Variants in STAG1 observed in about 807,000 individuals in gnomAD.
STAG1 encodes STAG1 cohesin complex component.
STAG1 carries 26 observed loss-of-function variants against 170.9 expected under a neutral mutation model. That is an observed-to-expected ratio of 0.15 (90% CI 0.11 to 0.21). The LOEUF is 0.21. Ranked by LOEUF, STAG1 falls within the 10% of genes least tolerant of loss-of-function variation. The pLI, the probability that STAG1 is intolerant of heterozygous loss-of-function variation, is 1.00. For missense variants in STAG1, 964 were observed against 1,509.5 expected, an observed-to-expected ratio of 0.64 and a Z score of 5.99; for synonymous variants, 514 against 497.7, an observed-to-expected ratio of 1.03 and a Z score of -0.44.
intron 1 of STAG1, among the ~76,000 whole-genome samples, chr3:136,694,340 G>A (rs1256110065): frequency 6.6e-6 from 1 of 152,102 alleles, no homozygotes; most frequent in Non-Finnish European, 1.5e-5. Flanking sequence ...AAGTGGCTGG[G>A]TGCAATAACT....
At chr3:136,553,497 C>T (rs1169088007) in intron 5 of STAG1, among the ~76,000 whole-genome samples, 2 of 152,140 alleles carry the variant, frequency 1.3e-5, no homozygotes, top group African/African-American at 4.8e-5. Context: ...AATTTTGGGC[C>T]GGGTGTGGTG....
At chr3:136,605,311 C>T (rs1312035679) in intron 3 of STAG1, among the ~76,000 whole-genome samples, 1 of 152,110 alleles carries the variant, frequency 6.6e-6, no homozygotes, top group African/African-American at 2.4e-5. Flanking sequence ...TTAATACTTG[C>T]TATAATCTTA....
At chr3:136,567,903 T>A (rs1408696509) in intron 5 of STAG1, among the ~76,000 whole-genome samples, 1 of 152,166 alleles carries the variant, frequency 6.6e-6, no homozygotes, top group Non-Finnish European at 1.5e-5. Flanking sequence ...TATTAATGTA[T>A]TTCCCCTCTT....
At chr3:136,598,786 C>T (rs1938545553) in intron 4 of STAG1, among the ~76,000 whole-genome samples, 1 of 151,994 alleles carries the variant, frequency 6.6e-6, no homozygotes, top group South Asian at 2.1e-4. Context: ...ATGCAATTTA[C>T]CAGGAGAATT....
intron 3 of STAG1, among the ~76,000 whole-genome samples, chr3:136,614,003 T>C (rs1368976884): frequency 2.0e-5 from 3 of 151,868 alleles, no homozygotes; most frequent in East Asian, 1.9e-4. Context: ...TTAGCTGAGG[T>C]CAGGAGTTTG....
rs543851571 is a variant in STAG1, at chr3:136,668,944, A to G, written c.-83-37963T>C. Among the ~76,000 whole-genome samples the G allele has an allele frequency of 2.0e-5, 3 of 152,326 alleles. No individual in the cohort carries two copies. In the East Asian group the frequency reaches 5.8e-4, roughly 29 times the overall value. On this transcript the variant is annotated intron_variant, in intron 1 of 33. Coordinates refer to ENST00000383202, the MANE Select transcript of STAG1 (RefSeq NM_005862.3). ...AATATTAGAGGTCAGTAATTTTCCAACTATGCTTGCTTTCTACATGATGCC... is the reference window on the plus strand; with the variant it reads ...AATATTAGAGGTCAGTAATTTTCCAGCTATGCTTGCTTTCTACATGATGCC...
intron 1 of STAG1, among the ~76,000 whole-genome samples, chr3:136,729,028 C>T (rs998284604): frequency 1.3e-5 from 2 of 152,052 alleles, no homozygotes; most frequent in Non-Finnish European, 2.9e-5. Context: ...ATTGCCCAGG[C>T]GAGAGTGAAA....
intron 1 of STAG1, among the ~76,000 whole-genome samples, chr3:136,746,398 C>T (rs548188362): frequency 1.4e-3 from 214 of 151,848 alleles, no homozygotes; most frequent in Non-Finnish European, 2.2e-3. Flanking sequence ...TCTCTTGGGT[C>T]ACCTGTAAAA....
intron 22 of STAG1, among the ~76,000 whole-genome samples, chr3:136,383,399 T>C (rs897153987): frequency 6.6e-6 from 1 of 152,210 alleles, no homozygotes; most frequent in African/African-American, 2.4e-5. Context: ...CACTGACTGC[T>C]TTTTAATTTG....
At chr3:136,507,190 C>A (rs1030192886) in intron 7 of STAG1, among the ~76,000 whole-genome samples, 2 of 152,206 alleles carry the variant, frequency 1.3e-5, no homozygotes, top group Non-Finnish European at 2.9e-5. Flanking sequence ...CTCCATAGTC[C>A]CAGCTCTTAA....
chr3:136,364,630 A>T (rs941437327), intron 25 of STAG1, among the ~76,000 whole-genome samples: 1 of 152,170 alleles, frequency 6.6e-6, no homozygotes, highest in African/African-American at 2.4e-5. Flanking sequence ...ATCGAAATAT[A>T]AAAAAGTAAA....
intron 5 of STAG1, among the ~76,000 whole-genome samples, chr3:136,550,328 G>A (rs910064882): frequency 9.5e-5 from 14 of 148,088 alleles, no homozygotes; most frequent in African/African-American, 3.5e-4. Flanking sequence ...TTTTTTTTGA[G>A]ACAGAGTCTC....
chr3:136,632,079 G>A (rs1559920226), intron 1 of STAG1, among the ~76,000 whole-genome samples: 1 of 152,026 alleles, frequency 6.6e-6, no homozygotes, highest in Non-Finnish European at 1.5e-5. Context: ...AACTATGTAA[G>A]TTCAAAGACA....
intron 7 of STAG1, among the ~76,000 whole-genome samples, chr3:136,507,606 G>A (rs996900302): frequency 1.3e-5 from 2 of 152,074 alleles, no homozygotes; most frequent in African/African-American, 4.8e-5. Context: ...GGCCTCAAGT[G>A]ATTCTCCCAC....
At chr3:136,513,375 T>A (rs1186472210) in intron 7 of STAG1, among the ~76,000 whole-genome samples, 1 of 150,442 alleles carries the variant, frequency 6.6e-6, no homozygotes. Context: ...AAGGAAGACT[T>A]GGAAAATAAG....
intron 21 of STAG1, among the ~76,000 whole-genome samples, chr3:136,399,716 G>C (rs2087263477): frequency 6.6e-6 from 1 of 151,954 alleles, no homozygotes; most frequent in Admixed American, 6.6e-5. Flanking sequence ...CATTTTTCTA[G>C]GGCAGAGGTT....
In STAG1 at chr3:136,439,389, G is replaced by GACACACACAC. The variant is rs753912835; in HGVS notation, c.1546+3888_1546+3897dup. 7.5e-3 allele frequency among the ~76,000 whole-genome samples: 720 copies of GACACACACAC among 95,848 alleles called. 11 individuals carry two copies. Among genetic ancestry groups the GACACACACAC allele is most frequent in the Non-Finnish European group, 8.1e-3 (406 of 49,928 alleles). The allele number at this position is 95,848 out of a possible 152,430, so 62.9% of individuals were successfully genotyped here. ...TTGATTTTGCTGTAAAACACCCCCCGACACACACACACACACACACACACA... is the reference window on the plus strand; with the variant it reads ...TTGATTTTGCTGTAAAACACCCCCCGACACACACACACACACACACACACACACACACACA... On this transcript the variant is annotated intron_variant, in intron 15 of 33. Coordinates refer to ENST00000383202, the MANE Select transcript of STAG1 (RefSeq NM_005862.3).
At chr3:136,495,795 C>T (rs1933049830) in intron 9 of STAG1, among the ~76,000 whole-genome samples, 2 of 151,738 alleles carry the variant, frequency 1.3e-5, no homozygotes. Context: ...GGTGAAACCC[C>T]ATCTCTACTA....
chr3:136,383,268 G>A (rs1324793066), intron 22 of STAG1, among the ~76,000 whole-genome samples: 1 of 151,980 alleles, frequency 6.6e-6, no homozygotes, highest in African/African-American at 2.4e-5. Context: ...AAGAACAATA[G>A]ATAATATTCA....
Sources: gnomAD v4.1 joint callset for allele counts (sites outside exome capture counted in the v4.1 genomes callset) on GRCh38, gnomAD v4.1.1 for gene constraint, MANE v1.5 for transcripts, NCBI Gene and HGNC (gene_info 2026-07-23, HGNC 2026-07-21) for gene names.